SLC25A26: variants seen among roughly 807,000 people sequenced by gnomAD.
SLC25A26 encodes the protein solute carrier family 25 member 26, also known as mitochondrial S-adenosylmethionine carrier protein.
A neutral mutation model predicts 37.8 loss-of-function variants in SLC25A26; 36 were observed. The ratio of observed to expected loss-of-function variants is 0.95; its 90% CI spans 0.73 to 1.26. The LOEUF (loss-of-function observed/expected upper bound fraction) is 1.26, where lower values mean the gene tolerates loss of function less well. Ranked by LOEUF, SLC25A26 falls within the 50% of genes most tolerant of loss-of-function variation. SLC25A26 has a pLI of 0.00. For synonymous variants in SLC25A26, 129 were observed against 122.5 expected (o/e 1.05, Z -0.35); for missense variants, 390 against 331.1 (o/e 1.18, Z -1.38).
intron 5 of SLC25A26, among the ~76,000 whole-genome samples, chr3:66,309,003 T>C (rs1018485805): frequency 3.3e-5 from 5 of 152,170 alleles, no homozygotes; most frequent in Admixed American, 2.0e-4. Context: ...TTTCTTTTTT[T>C]GTTGTGTCTC....
At chr3:66,355,617 C>T (rs78106407) in intron 6 of SLC25A26, among the ~76,000 whole-genome samples, 4 of 152,186 alleles carry the variant, frequency 2.6e-5, no homozygotes, top group African/African-American at 9.7e-5. Context: ...TCAGAACTTG[C>T]TATCAGAAAT....
intron 5 of SLC25A26, among the ~76,000 whole-genome samples, chr3:66,271,907 C>G (rs763848543): frequency 6.6e-6 from 1 of 151,966 alleles, no homozygotes; most frequent in Non-Finnish European, 1.5e-5. Flanking sequence ...CTTTTGGGCA[C>G]TAGTGTAGAA....
At chr3:66,315,904 A>G (rs2075526154) in intron 5 of SLC25A26, among the ~76,000 whole-genome samples, 1 of 152,066 alleles carries the variant, frequency 6.6e-6, no homozygotes, top group Non-Finnish European at 1.5e-5. Flanking sequence ...GTTGGTTTAA[A>G]GTCTGTTTTG....
chr3:66,269,481 A>G (rs1385800946), intron 5 of SLC25A26, among the ~76,000 whole-genome samples: 1 of 152,224 alleles, frequency 6.6e-6, no homozygotes, highest in Admixed American at 6.5e-5. Flanking sequence ...GAAAAACAGC[A>G]TATTGGTATA....
At chr3:66,208,731 C>T (rs1259792360) in intron 1 of SLC25A26, among the ~76,000 whole-genome samples, 5 of 128,684 alleles carry the variant, frequency 3.9e-5, no homozygotes, top group South Asian at 2.3e-4. Flanking sequence ...TATATATATA[C>T]ACATTTATAT....
At chr3:66,169,485 C>A (rs1268074610) in intron 1 of SLC25A26, among the ~76,000 whole-genome samples, 12 of 152,186 alleles carry the variant, frequency 7.9e-5, no homozygotes, top group African/African-American at 2.9e-4. Flanking sequence ...TCCAGGGATG[C>A]CTTCCTTGTC....
chr3:66,174,963 A>C (rs528880134), intron 1 of SLC25A26, among the ~76,000 whole-genome samples: 1 of 151,636 alleles, frequency 6.6e-6, no homozygotes, highest in Non-Finnish European at 1.5e-5. Context: ...GTGGACTTAC[A>C]TGTTAAATGA....
chr3:66,196,662 C>G (rs1187908865), intron 1 of SLC25A26, among the ~76,000 whole-genome samples: 3 of 151,804 alleles, frequency 2.0e-5, no homozygotes, highest in African/African-American at 7.3e-5. Flanking sequence ...ATAAAACAAT[C>G]TATATCAAAT....
At chr3:66,310,510 A>G (rs538233785) in intron 5 of SLC25A26, among the ~76,000 whole-genome samples, 7 of 152,186 alleles carry the variant, frequency 4.6e-5, no homozygotes, top group African/African-American at 7.2e-5. Flanking sequence ...TAAGGTTAAT[A>G]TTGTTATGTG....
At chr3:66,329,109 T>C (rs758293388) in intron 5 of SLC25A26, among the ~76,000 whole-genome samples, 6 of 152,332 alleles carry the variant, frequency 3.9e-5, no homozygotes, top group East Asian at 1.9e-4. Context: ...ACGTGAAATA[T>C]GGATATGTGA....
chr3:66,246,368 C>T (rs1225442034), intron 3 of SLC25A26, among the ~76,000 whole-genome samples: 1 of 151,874 alleles, frequency 6.6e-6, no homozygotes, highest in Non-Finnish European at 1.5e-5. Flanking sequence ...ACTTTCAGTC[C>T]AAAAAAATAG....
chr3:66,287,663 A>G (rs1385412275), intron 5 of SLC25A26, among the ~76,000 whole-genome samples: 2 of 152,236 alleles, frequency 1.3e-5, no homozygotes, highest in African/African-American at 4.8e-5. Context: ...GAATGAGGAA[A>G]AGGTGCTGTG....
rs2071249872 is a variant in SLC25A26, at chr3:66,209,734, TG to T, written c.-353-11006del. Among the ~76,000 whole-genome samples, 3 of 137,814 alleles carry T rather than the reference TG, an allele frequency of 2.2e-5. No homozygotes were observed. The South Asian group carries it at 7.0e-4, about 32-fold the overall frequency. 90.4% of individuals were successfully genotyped at this position (137,814 alleles called of 152,430 possible). ...ATATATATATTTTATAGGTATATAT[TG>T]GTATGGATATATATATACAACTTTT... is the stretch of plus-strand genomic sequence containing the variant. On this transcript the variant is annotated intron_variant, in intron 1 of 10. Coordinates refer to the SLC25A26 transcript ENST00000676754.
chr3:66,372,385 G>A lies in SLC25A26; in HGVS notation c.707+1783G>A, dbSNP rs115680558. On this transcript the variant is annotated intron_variant, in intron 9 of 9. Coordinates refer to ENST00000354883, the MANE Select transcript of SLC25A26 (RefSeq NM_001379210.1). ...GACTGGCAACCCCATGGCCCCAAAA[G>A]CTGGTAGGAGTTATGTTGAGTAGAT... 2.5e-3 allele frequency among the ~76,000 whole-genome samples: 378 copies of A among 152,306 alleles called. 2 individuals carry two copies. Among genetic ancestry groups the A allele is most frequent in the African/African-American group, 8.9e-3 (371 of 41,570 alleles).
chr3:66,339,738 C>T (rs1450342677), intron 5 of SLC25A26, among the ~76,000 whole-genome samples: 1 of 151,782 alleles, frequency 6.6e-6, no homozygotes, highest in African/African-American at 2.4e-5. Context: ...TTGTTGAATG[C>T]TTTATATATT....
chr3:66,197,210 G>GAT lies in SLC25A26; in HGVS notation c.-353-23520_-353-23519dup, dbSNP rs1230484392. On this transcript the variant is annotated intron_variant, in intron 1 of 10. Coordinates refer to the SLC25A26 transcript ENST00000676754. ...ACTTCTGTTTGCCAACCTAAACTCA[G>GAT]ATATATATATATACATTGTGTACCT... Among the ~76,000 whole-genome samples the GAT allele has an allele frequency of 1.0e-3, 156 of 151,498 alleles. 1 individual carries two copies. Among genetic ancestry groups the GAT allele is most frequent in the African/African-American group, 1.8e-3 (76 of 41,346 alleles).
intron 3 of SLC25A26, among the ~76,000 whole-genome samples, chr3:66,248,237 A>G (rs2072935391): frequency 6.6e-6 from 1 of 152,208 alleles, no homozygotes; most frequent in African/African-American, 2.4e-5. Context: ...ACAACCTTCT[A>G]CCTTATGTTT....
intron 1 of SLC25A26, among the ~76,000 whole-genome samples, chr3:66,187,908 C>T (rs984769350): frequency 4.6e-5 from 7 of 152,146 alleles, no homozygotes; most frequent in Admixed American, 2.0e-4. Context: ...ATCGTCATGA[C>T]GCAACCCAGA....
chr3:66,273,751 G>A (rs1471324718), intron 5 of SLC25A26, among the ~76,000 whole-genome samples: 1 of 152,062 alleles, frequency 6.6e-6, no homozygotes, highest in Non-Finnish European at 1.5e-5. Flanking sequence ...AATAAAAGAG[G>A]ATACAAACGA....
Sources: gnomAD v4.1 joint callset for allele counts (sites outside exome capture counted in the v4.1 genomes callset) on GRCh38, gnomAD v4.1.1 for gene constraint, MANE v1.5 for transcripts, NCBI Gene and HGNC (gene_info 2026-07-23, HGNC 2026-07-21) for gene names.